Variants in PTPRD observed in about 807,000 individuals in gnomAD.
PTPRD encodes the protein receptor-type tyrosine-protein phosphatase delta.
In PTPRD, 34 loss-of-function variants were observed where a neutral mutation model predicts 214.5. That is an observed-to-expected ratio of 0.16 (90% confidence interval 0.12 to 0.21). The LOEUF (loss-of-function observed/expected upper bound fraction) is 0.21, where lower values mean the gene tolerates loss of function less well. PTPRD is among the 10% of genes least tolerant of loss of function. The pLI is 1.00. For missense variants in PTPRD, 2,545 were observed against 2,398.7 expected, an observed-to-expected ratio of 1.06 and a Z score of -1.27; for synonymous variants, 1,128 against 845.7, an observed-to-expected ratio of 1.33 and a Z score of -5.79.
intron 9 of PTPRD, among the ~76,000 whole-genome samples, chr9:9,350,933 T>C (rs966471965): frequency 2.6e-5 from 4 of 152,080 alleles, no homozygotes; most frequent in Admixed American, 1.3e-4. Context: ...ACTCTGATGA[T>C]CTTTCAATTA....
At chr9:10,053,479 A>G (rs571436736) in intron 3 of PTPRD, among the ~76,000 whole-genome samples, 2 of 152,276 alleles carry the variant, frequency 1.3e-5, no homozygotes, top group South Asian at 4.1e-4. Flanking sequence ...TTGTAACTAC[A>G]GAGAGAAGAA....
chr9:9,308,114 T>A (rs1474433847), intron 9 of PTPRD, among the ~76,000 whole-genome samples: 1 of 152,178 alleles, frequency 6.6e-6, no homozygotes, highest in Non-Finnish European at 1.5e-5. Context: ...ACTGTGGCAT[T>A]TTGAAGTAAA....
At chr9:9,415,868 A>G (rs1202463291) in intron 8 of PTPRD, among the ~76,000 whole-genome samples, 1 of 152,218 alleles carries the variant, frequency 6.6e-6, no homozygotes, top group African/African-American at 2.4e-5. Context: ...TTAGTCGGGT[A>G]GGACGGGGTA....
intron 11 of PTPRD, among the ~76,000 whole-genome samples, chr9:8,815,472 A>G (rs2096901474): frequency 6.6e-6 from 1 of 152,240 alleles, no homozygotes; most frequent in South Asian, 2.1e-4. Flanking sequence ...TCATTTAGCA[A>G]TTGAAAATGA....
At chr9:9,196,240 C>G (rs2099938541) in intron 9 of PTPRD, among the ~76,000 whole-genome samples, 2 of 152,180 alleles carry the variant, frequency 1.3e-5, no homozygotes, top group African/African-American at 4.8e-5. Flanking sequence ...TTTCTTCCTA[C>G]TTCCTGGAAC....
At chr9:9,657,408 C>T (rs565523561) in intron 7 of PTPRD, among the ~76,000 whole-genome samples, 9 of 152,098 alleles carry the variant, frequency 5.9e-5, no homozygotes, top group South Asian at 2.1e-4. Flanking sequence ...ACAGTGAGAA[C>T]GCATGGACAC....
intron 7 of PTPRD, among the ~76,000 whole-genome samples, chr9:9,609,549 G>T (rs1274323114): frequency 6.6e-6 from 1 of 152,150 alleles, no homozygotes; most frequent in Non-Finnish European, 1.5e-5. Context: ...TGCAACCTCT[G>T]CCTCCCAGGT....
At chr9:8,572,460 G>C (rs2091413970) in intron 14 of PTPRD, among the ~76,000 whole-genome samples, 1 of 151,908 alleles carries the variant, frequency 6.6e-6, no homozygotes, top group African/African-American at 2.4e-5. Context: ...AATGACTTCA[G>C]GGAAACTCTT....
Position 10,470,979 on chromosome 9 carries a change from T to C in PTPRD, c.-599-129962A>G, listed in dbSNP as rs540421060. On this transcript the variant is annotated intron_variant, in intron 2 of 45. Transcript: ENST00000381196. ...GAATATTATGCAGCCATAAAAACAA[T>C]GAGTTCACGTCCTTTGCAGGACATG... Among the ~76,000 whole-genome samples, 10 of 152,188 alleles carry C rather than the reference T, an allele frequency of 6.6e-5. No homozygotes were observed. The South Asian group carries it at 1.7e-3, about 25-fold the overall frequency.
chr9:10,546,945 C>T (rs1040023436), intron 2 of PTPRD, among the ~76,000 whole-genome samples: 4 of 152,006 alleles, frequency 2.6e-5, no homozygotes, highest in African/African-American at 9.7e-5. Flanking sequence ...CAGCACTGTA[C>T]AGGTAAGAGT....
At chr9:10,340,103 A>T (rs915309401) in intron 3 of PTPRD, among the ~76,000 whole-genome samples, 1 of 151,888 alleles carries the variant, frequency 6.6e-6, no homozygotes, top group African/African-American at 2.4e-5. Flanking sequence ...TACTTGTTCA[A>T]TAATTATTTC....
chr9:8,953,777 G>A (rs529091450), intron 11 of PTPRD, among the ~76,000 whole-genome samples: 194 of 152,048 alleles, frequency 1.3e-3, no homozygotes, highest in African/African-American at 4.6e-3. Flanking sequence ...TCAGAGAAAT[G>A]CAAATCAAAA....
At chr9:8,996,534 A>G (rs921163894) in intron 11 of PTPRD, among the ~76,000 whole-genome samples, 1 of 152,050 alleles carries the variant, frequency 6.6e-6, no homozygotes, top group Non-Finnish European at 1.5e-5. Context: ...CATTTGGGCT[A>G]CTATAGCAAA....
intron 5 of PTPRD, among the ~76,000 whole-genome samples, chr9:9,831,224 C>T (rs181485319): frequency 6.6e-6 from 1 of 152,014 alleles, no homozygotes; most frequent in Admixed American, 6.6e-5. Flanking sequence ...GTGAACGACA[C>T]ACACTTCTAA....
At chr9:8,734,537 A>G (rs1380635586) in intron 11 of PTPRD, among the ~76,000 whole-genome samples, 1 of 152,248 alleles carries the variant, frequency 6.6e-6, no homozygotes, top group Non-Finnish European at 1.5e-5. Flanking sequence ...CAATAAGTCA[A>G]AACAATAGTT....
At chr9:10,162,714 T>C (rs756996430) in intron 3 of PTPRD, among the ~76,000 whole-genome samples, 2 of 146,560 alleles carry the variant, frequency 1.4e-5, no homozygotes, top group Non-Finnish European at 3.0e-5. Context: ...TACACGTATA[T>C]ATATACATAT....
At chr9:10,276,709 G>A (rs2094711986) in intron 3 of PTPRD, among the ~76,000 whole-genome samples, 1 of 152,150 alleles carries the variant, frequency 6.6e-6, no homozygotes, top group South Asian at 2.1e-4. Context: ...TTATTCTTAT[G>A]GCTGGCAATA....
At chr9:10,073,342 T>G (rs561208251) in intron 3 of PTPRD, among the ~76,000 whole-genome samples, 1 of 152,132 alleles carries the variant, frequency 6.6e-6, no homozygotes, top group South Asian at 2.1e-4. Context: ...TGGAAATGAA[T>G]GTTGTCTCTA....
intron 14 of PTPRD, among the ~76,000 whole-genome samples, chr9:8,538,747 G>C (rs2077591399): frequency 6.6e-6 from 1 of 151,678 alleles, no homozygotes; most frequent in Non-Finnish European, 1.5e-5. Flanking sequence ...ACTTAGCAAA[G>C]ACATCTTCCC....
Sources: allele counts gnomAD v4.1 joint callset (sites outside exome capture counted in the v4.1 genomes callset), GRCh38; gene constraint gnomAD v4.1.1; transcripts MANE v1.5; gene names NCBI Gene and HGNC (gene_info 2026-07-23, HGNC 2026-07-21).